Variants in BCL2 observed in about 807,000 individuals in gnomAD.
The protein encoded by BCL2 is apoptosis regulator Bcl-2.
Under a neutral mutation model 14.2 loss-of-function variants are expected in BCL2, and 1 was observed. The ratio of observed to expected loss-of-function variants is 0.07; its 90% CI spans 0.02 to 0.33. The LOEUF is 0.33. BCL2 is among the 10% of genes least tolerant of loss of function. BCL2 has a pLI of 0.99. For synonymous variants in BCL2, 151 were observed against 137.2 expected (o/e 1.10, Z -0.70); for missense variants, 247 against 305.9 (o/e 0.81, Z 1.44).
At chr18:63,186,950 G>C (rs1025331110) in intron 2 of BCL2, among the ~76,000 whole-genome samples, 5 of 152,206 alleles carry the variant, frequency 3.3e-5, no homozygotes, top group Non-Finnish European at 5.9e-5. Context: ...CACAGCTGGG[G>C]CATTCTGTTT....
At position 63,318,470 on chromosome 18, in the gene BCL2, A is replaced by T; in HGVS notation, c.197T>A (p.Val66Asp). The stretch of plus-strand genomic sequence containing the variant: ...GGTCTGCAGCGGCGAGGTCCTGGCG[A>T]CCGGGTCCCGGGATGCGGCTGGATG... ...TPHPAASRDP[V>D]ARTSPLQTPA... The change falls in exon 2 of 3, where the codon GTC becomes GAC. Residue 66 changes from valine to aspartate, a missense_variant. Val to Asp is a radical substitution (Grantham distance 152). Around this residue, in one of 3 missense-constraint regions of BCL2, gnomAD observed 144 missense variants for 135.3 expected, o/e 1.06. Coordinates refer to ENST00000333681, the MANE Select transcript of BCL2 (RefSeq NM_000633.3). The surrounding 1 kb of genome is among the most constrained non-coding windows in gnomAD (Gnocchi z 7.4). 6.8e-7 allele frequency: 1 copy of T among 1,474,104 alleles called. No individual in the cohort carries two copies. The highest frequency in any genetic ancestry group is 8.9e-7 in the Non-Finnish European group (1 of 1,123,872). 91.3% of individuals were successfully genotyped at this position (1,474,104 alleles called of 1,614,324 possible). A position where few individuals can be genotyped will look rare whatever the true frequency, so the allele number is the denominator to read the frequency against.
chr18:63,286,253 A>G (rs1268275078), intron 2 of BCL2, among the ~76,000 whole-genome samples: 1 of 152,234 alleles, frequency 6.6e-6, no homozygotes, highest in Non-Finnish European at 1.5e-5. Context: ...TTATTTAGGA[A>G]TTCATTTCAT....
Position 63,124,954 on chromosome 18 carries a change from A to G in BCL2, c.*3671T>C, listed in dbSNP as rs981895053. The G allele has an allele frequency of 4.5e-6, 1 of 221,834 alleles. No homozygotes were observed. 13.7% of individuals were successfully genotyped at this position (221,834 alleles called of 1,614,324 possible). A position where few individuals can be genotyped will look rare whatever the true frequency, so the allele number is the denominator to read the frequency against. On this transcript the variant is annotated 3_prime_UTR_variant, in exon 3 of 3. Transcript: ENST00000333681. Reference sequence around the variant, plus strand: ...GTACAGTTGGAATTAATTAGAGTTTAAGTTCACATTTATAAACTATTTGTT... The same window carrying G: ...GTACAGTTGGAATTAATTAGAGTTTGAGTTCACATTTATAAACTATTTGTT...
chr18:63,169,315 CCTTCCT>C (rs1915144524), intron 2 of BCL2, among the ~76,000 whole-genome samples: 1 of 35,376 alleles, frequency 2.8e-5, no homozygotes, highest in African/African-American at 2.2e-4. Flanking sequence ...TTTCTTCCTT[CCTTCCT>C]TCTTTCCTTT....
chr18:63,265,353 T>C (rs1911796640), intron 2 of BCL2, among the ~76,000 whole-genome samples: 1 of 152,240 alleles, frequency 6.6e-6, no homozygotes, highest in African/African-American at 2.4e-5. Flanking sequence ...TTGTGGTATG[T>C]GATCTTCATA....
intron 2 of BCL2, among the ~76,000 whole-genome samples, chr18:63,306,831 G>GT (rs1382434820): frequency 7.3e-6 from 1 of 136,640 alleles, no homozygotes; most frequent in Non-Finnish European, 1.5e-5. Context: ...ATATTATGAG[G>GT]TTTTTTTGTG....
intron 2 of BCL2, among the ~76,000 whole-genome samples, chr18:63,234,425 C>T (rs1910766688): frequency 6.6e-6 from 1 of 152,206 alleles, no homozygotes; most frequent in African/African-American, 2.4e-5. Flanking sequence ...TGATCTCATT[C>T]CTTTTTATGG....
intron 2 of BCL2, among the ~76,000 whole-genome samples, chr18:63,143,942 C>T (rs915501378): frequency 4.6e-5 from 7 of 152,150 alleles, no homozygotes; most frequent in African/African-American, 1.7e-4. Context: ...GGACATCATG[C>T]TCATCACCCA....
chr18:63,142,124 G>A (rs1019493412), intron 2 of BCL2, among the ~76,000 whole-genome samples: 5 of 152,236 alleles, frequency 3.3e-5, no homozygotes, highest in African/African-American at 1.2e-4. Context: ...GTTTTCACTT[G>A]TTTAAATCAG....
intron 2 of BCL2, among the ~76,000 whole-genome samples, chr18:63,190,414 C>A (rs1406038282): frequency 5.3e-5 from 8 of 152,182 alleles, no homozygotes; most frequent in African/African-American, 1.9e-4. Context: ...GAAACTTAAT[C>A]TACATCTTCT....
Position 63,128,578 on chromosome 18 carries a change from G to T in BCL2, c.*47C>A, listed in dbSNP as rs1913976284. ...ACTGACAATGCATATTATTTCTACTGCTTTAGTGAACCTTTTGCATATTTG... is the reference window on the plus strand; with the variant it reads ...ACTGACAATGCATATTATTTCTACTTCTTTAGTGAACCTTTTGCATATTTG... On this transcript the variant is annotated 3_prime_UTR_variant, in exon 3 of 3. Transcript: ENST00000333681. 1.3e-6 allele frequency: 1 copy of T among 771,422 alleles called. No homozygotes were observed. Among genetic ancestry groups the T allele is most frequent in the Non-Finnish European group, 2.4e-6 (1 of 412,120 alleles). 47.8% of individuals were successfully genotyped at this position (771,422 alleles called of 1,614,324 possible).
At chr18:63,309,854 ATTTG>A (rs576265043) in intron 2 of BCL2, among the ~76,000 whole-genome samples, 3 of 152,004 alleles carry the variant, frequency 2.0e-5, no homozygotes, top group African/African-American at 4.8e-5. Flanking sequence ...TATTTTATTT[ATTTG>A]TTTGTTTATT....
intron 2 of BCL2, among the ~76,000 whole-genome samples, chr18:63,285,050 C>G (rs1912431747): frequency 1.3e-5 from 2 of 152,252 alleles, no homozygotes; most frequent in Non-Finnish European, 2.9e-5. Flanking sequence ...GACCTCACAA[C>G]CAGGCTCCCT....
intron 2 of BCL2, among the ~76,000 whole-genome samples, chr18:63,155,124 A>G (rs1166887354): frequency 6.6e-6 from 1 of 152,164 alleles, no homozygotes; most frequent in Non-Finnish European, 1.5e-5. Context: ...TCAACCACAA[A>G]GGCTGGGGTG....
chr18:63,189,943 A>C (rs2144650699), intron 2 of BCL2, among the ~76,000 whole-genome samples: 1 of 152,270 alleles, frequency 6.6e-6, no homozygotes, highest in African/African-American at 2.4e-5. Context: ...TCTGTTGTGG[A>C]AAAGTGGTCT....
intron 2 of BCL2, among the ~76,000 whole-genome samples, chr18:63,181,698 C>T (rs893270454): frequency 2.0e-5 from 3 of 152,216 alleles, no homozygotes; most frequent in Non-Finnish European, 4.4e-5. Flanking sequence ...ACTTCACCAT[C>T]ATCCTATCAA....
At chr18:63,219,451 C>CTTTTTT (rs11289698) in intron 2 of BCL2, among the ~76,000 whole-genome samples, 10 of 109,780 alleles carry the variant, frequency 9.1e-5, no homozygotes, top group East Asian at 2.6e-4. Context: ...CACAGCAGAA[C>CTTTTTT]TTTTTTTTTT....
chr18:63,228,735 A>T (rs1910612561), intron 2 of BCL2, among the ~76,000 whole-genome samples: 1 of 151,506 alleles, frequency 6.6e-6, no homozygotes, highest in Non-Finnish European at 1.5e-5. Context: ...TTTGAGACAG[A>T]ATCTTGTTCT....
intron 2 of BCL2, among the ~76,000 whole-genome samples, chr18:63,138,133 G>A (rs539250213): frequency 1.2e-3 from 179 of 152,350 alleles, no homozygotes; most frequent in African/African-American, 4.1e-3. Flanking sequence ...CAGAAAGAGC[G>A]CTCCATGAAG....
Sources: gnomAD v4.1 joint callset for allele counts (sites outside exome capture counted in the v4.1 genomes callset) on GRCh38, gnomAD v4.1.1 for gene constraint, gnomAD v4.1.1 regional missense constraint, Gnocchi (gnomAD v3.1) non-coding constraint, MANE v1.5 for transcripts, NCBI Gene and HGNC (gene_info 2026-07-23, HGNC 2026-07-21) for gene names.